PDE9A: variants seen among roughly 807,000 people sequenced by gnomAD.
PDE9A encodes phosphodiesterase 9A.
A neutral mutation model predicts 87.4 loss-of-function variants in PDE9A; 60 were observed. The ratio of observed to expected loss-of-function variants is 0.69; its 90% confidence interval spans 0.56 to 0.85. The LOEUF is 0.85. PDE9A is among the 40% of genes least tolerant of loss of function. The pLI, the probability that PDE9A is intolerant of heterozygous loss-of-function variation, is 0.00. For missense variants in PDE9A, 665 were observed against 779.0 expected (o/e 0.85, Z 1.74); for synonymous variants, 272 against 279.4 (o/e 0.97, Z 0.27).
chr21:42,687,319 T>C (rs1421895327), intron 2 of PDE9A, among the ~76,000 whole-genome samples: 3 of 152,202 alleles, frequency 2.0e-5, no homozygotes, highest in African/African-American at 7.2e-5. Flanking sequence ...TGAAGCAATG[T>C]GCCAATAAAT....
At chr21:42,669,247 G>GCTCC (rs1569113293) in intron 1 of PDE9A, among the ~76,000 whole-genome samples, 1 of 152,120 alleles carries the variant, frequency 6.6e-6, no homozygotes, top group Non-Finnish European at 1.5e-5. Context: ...CCCTCTAGAG[G>GCTCC]CTCCCCCGGA....
chr21:42,722,732 G>C lies in PDE9A; in HGVS notation c.263-9038G>C, dbSNP rs1283571343. Among the ~76,000 whole-genome samples, 2 of 152,290 alleles carry C rather than the reference G, an allele frequency of 1.3e-5. No homozygotes were observed. The highest frequency in any genetic ancestry group is 4.8e-5 in the African/African-American group (2 of 41,564). ...GCTGTTGCTGCTAGTATTCTCTTCA[G>C]CACAAGATAAAAAGGAGATAGGCAA... On this transcript the variant is annotated intron_variant, in intron 4 of 19. Coordinates refer to ENST00000291539, the MANE Select transcript of PDE9A (RefSeq NM_002606.3). This position sits in a 1 kb window ranked among gnomAD's most constrained non-coding sequence, Gnocchi z 4.1.
chr21:42,765,966 C>A (rs1210300047), intron 15 of PDE9A, among the ~76,000 whole-genome samples: 1 of 152,132 alleles, frequency 6.6e-6, no homozygotes, highest in Non-Finnish European at 1.5e-5. Context: ...GGGTAGGGGG[C>A]CTCCCCCATG....
chr21:42,733,939 C>G (rs2052103395), intron 7 of PDE9A: 1 of 156,762 alleles, frequency 6.4e-6, no homozygotes, highest in South Asian at 1.9e-4. Flanking sequence ...CAGGCAGATG[C>G]CTCCTAAATG....
chr21:42,748,738 T>C (rs2054133201), intron 8 of PDE9A, among the ~76,000 whole-genome samples: 1 of 152,196 alleles, frequency 6.6e-6, no homozygotes, highest in Non-Finnish European at 1.5e-5. Context: ...TCTTTTTTTT[T>C]ACTAGTGGCA....
rs139354881 is a variant in PDE9A at position 42,709,495 on chromosome 21, C to T, written c.262+10484C>T. 6.2e-4 allele frequency among the ~76,000 whole-genome samples: 95 copies of T among 152,226 alleles called. No homozygotes were observed. In the East Asian group the frequency reaches 9.8e-3, roughly 16 times the overall value. ...TTTTAAAAGTGCACGTGCATGTAACCGCCACCACAATCAAGACAGAGGACA... is the reference window on the plus strand; with the variant it reads ...TTTTAAAAGTGCACGTGCATGTAACTGCCACCACAATCAAGACAGAGGACA... On this transcript the variant is annotated intron_variant, in intron 4 of 19. Transcript: ENST00000291539.
At chr21:42,750,393 G>T (rs1258898370) in intron 8 of PDE9A, among the ~76,000 whole-genome samples, 1 of 151,962 alleles carries the variant, frequency 6.6e-6, no homozygotes, top group Non-Finnish European at 1.5e-5. Flanking sequence ...CAAACTATTA[G>T]AAGTGATTTC....
Position 42,753,913 on chromosome 21 carries a change from G to A in PDE9A, c.736-77G>A, listed in dbSNP as rs930825096. Reference sequence around the variant, plus strand: ...AAAAAGAAAGAGAACGGGAGAAAGAGGAGAAATATCTCAGCATGCACATCA... The same window carrying A: ...AAAAAGAAAGAGAACGGGAGAAAGAAGAGAAATATCTCAGCATGCACATCA... On this transcript the variant is annotated intron_variant, in intron 9 of 19. Transcript: ENST00000291539. 8 of 711,504 alleles carry A rather than the reference G, an allele frequency of 1.1e-5. No homozygotes were observed. In the Admixed American group the frequency reaches 1.5e-4, roughly 14 times the overall value. The allele number at this position is 711,504 out of a possible 1,614,324, so 44.1% of individuals were successfully genotyped here.
chr21:42,761,500 TG>T (rs2055764776), intron 13 of PDE9A, among the ~76,000 whole-genome samples: 1 of 152,356 alleles, frequency 6.6e-6, no homozygotes, highest in South Asian at 2.1e-4. Context: ...GCCATGGGCT[TG>T]GGTCTGTGTC....
At chr21:42,751,239 C>T (rs1380356923) in intron 9 of PDE9A, 42 bp downstream of exon 9, 1 of 1,373,274 alleles carries the variant, frequency 7.3e-7, no homozygotes, top group Non-Finnish European at 1.0e-6. Flanking sequence ...CAGCTGTGTC[C>T]CCAGCCCCAC....
At chr21:42,750,751 T>G (rs1292687660) in intron 8 of PDE9A, among the ~76,000 whole-genome samples, 2 of 151,362 alleles carry the variant, frequency 1.3e-5, no homozygotes, top group Non-Finnish European at 2.9e-5. Context: ...AATTTTTGTA[T>G]TATTATTATT....
intron 4 of PDE9A, among the ~76,000 whole-genome samples, chr21:42,726,670 C>T (rs1382289059): frequency 2.9e-5 from 3 of 104,910 alleles, no homozygotes; most frequent in South Asian, 3.5e-4. Context: ...CTTTGTTCCC[C>T]GGCTGGTCTC....
At chr21:42,755,162 C>A (rs2054897517) in intron 10 of PDE9A, among the ~76,000 whole-genome samples, 1 of 152,216 alleles carries the variant, frequency 6.6e-6, no homozygotes, top group South Asian at 2.1e-4. Flanking sequence ...GTCAGCAACA[C>A]AGAAAATGCA....
intron 7 of PDE9A, among the ~76,000 whole-genome samples, chr21:42,740,658 GTAT>G (rs386818961): frequency 6.0e-5 from 9 of 150,488 alleles, no homozygotes; most frequent in East Asian, 2.0e-4. Flanking sequence ...TGGATAGATA[GTAT>G]ATAAATGGAT....
intron 7 of PDE9A, among the ~76,000 whole-genome samples, chr21:42,742,855 A>G (rs1306852582): frequency 6.6e-6 from 1 of 152,150 alleles, no homozygotes; most frequent in Non-Finnish European, 1.5e-5. Context: ...CAGCTGATCC[A>G]TCAACTGCAG....
At chr21:42,683,562 C>T (rs78933078) in intron 1 of PDE9A, among the ~76,000 whole-genome samples, 3 of 152,304 alleles carry the variant, frequency 2.0e-5, no homozygotes, top group African/African-American at 4.8e-5. Flanking sequence ...CCTCCGGGGC[C>T]GCCTGGGCTG....
chr21:42,756,185 G>T lies in PDE9A; in HGVS notation c.810+2121G>T, dbSNP rs549798646. Among the ~76,000 whole-genome samples the T allele has an allele frequency of 3.3e-5, 5 of 152,366 alleles. No homozygotes were observed. The South Asian group carries it at 8.3e-4, about 25-fold the overall frequency. Reference sequence around the variant, plus strand: ...AGGGCACTCCAGGAGACCGATGAGGGTTCCAGTGCTTCCAAGAAGTATCTA... The same window carrying T: ...AGGGCACTCCAGGAGACCGATGAGGTTTCCAGTGCTTCCAAGAAGTATCTA... On this transcript the variant is annotated intron_variant, in intron 10 of 19. Coordinates refer to ENST00000291539, the MANE Select transcript of PDE9A (RefSeq NM_002606.3).
intron 19 of PDE9A, among the ~76,000 whole-genome samples, chr21:42,774,372 G>A (rs115697653): frequency 0.011 from 1,658 of 152,248 alleles, 38 homozygotes; most frequent in African/African-American, 0.037. Flanking sequence ...CAGAGCCCCA[G>A]TCTCTAAGCC....
Position 42,760,746 on chromosome 21 carries a change from AC to A in PDE9A, c.1003-76del, listed in dbSNP as rs1355863067. The A allele has an allele frequency of 5.5e-5, 42 of 762,012 alleles. No homozygotes were observed. The highest frequency in any genetic ancestry group is 2.2e-6 in the Non-Finnish European group (1 of 447,854). The allele number at this position is 762,012 out of a possible 1,614,324, so 47.2% of individuals were successfully genotyped here. A position where few individuals can be genotyped will look rare whatever the true frequency, so the allele number is the denominator to read the frequency against. On this transcript the variant is annotated intron_variant, in intron 12 of 19. Coordinates refer to ENST00000291539, the MANE Select transcript of PDE9A (RefSeq NM_002606.3). This position sits in a 1 kb window ranked among gnomAD's most constrained non-coding sequence, Gnocchi z 5.2. ...GGCCTTTGTCCCCCGCTTACCACTC[AC>A]CCAATTCCACCCCCCCTCACCCCAT...
Sources: gnomAD v4.1 joint callset for allele counts (sites outside exome capture counted in the v4.1 genomes callset) on GRCh38, gnomAD v4.1.1 for gene constraint, Gnocchi (gnomAD v3.1) non-coding constraint, MANE v1.5 for transcripts, NCBI Gene and HGNC (gene_info 2026-07-23, HGNC 2026-07-21) for gene names.